TMEM150C: variants seen among roughly 807,000 people sequenced by gnomAD.
TMEM150C encodes tentonin 3.
In TMEM150C, 10 loss-of-function variants were observed where a neutral mutation model predicts 29.9. The observed-to-expected ratio is 0.33, with a 90% CI of 0.21 to 0.57. The LOEUF (loss-of-function observed/expected upper bound fraction) is 0.57. TMEM150C is among the 20% of genes least tolerant of loss of function. The pLI is 0.88. For synonymous variants in TMEM150C, 101 were observed against 112.5 expected (o/e 0.90, Z 0.64); for missense variants, 251 against 303.6 (o/e 0.83, Z 1.29).
chr4:82,537,250 G>T (rs1725042783), intron 1 of TMEM150C, among the ~76,000 whole-genome samples: 2 of 152,164 alleles, frequency 1.3e-5, no homozygotes, highest in South Asian at 4.1e-4. Flanking sequence ...CTCCCAAAGT[G>T]CTGGGATTAC....
intron 5 of TMEM150C, among the ~76,000 whole-genome samples, chr4:82,497,488 C>T (rs1411883107): frequency 6.6e-6 from 1 of 152,048 alleles, no homozygotes; most frequent in Non-Finnish European, 1.5e-5. Flanking sequence ...CATAGTGTAA[C>T]CCTATGGCTT....
intron 1 of TMEM150C, among the ~76,000 whole-genome samples, chr4:82,555,472 C>T (rs964383088): frequency 3.9e-5 from 6 of 152,130 alleles, no homozygotes; most frequent in African/African-American, 1.4e-4. Context: ...TTTTCAAGGG[C>T]GTTAACCTTC....
chr4:82,494,825 A>G, intron 6 of TMEM150C: 1 of 210,714 alleles, frequency 4.7e-6, no homozygotes, highest in Admixed American at 5.6e-5. Flanking sequence ...CTTATTTGTT[A>G]CTCAAAAAAT....
intron 5 of TMEM150C, among the ~76,000 whole-genome samples, chr4:82,502,284 C>G (rs1390083353): frequency 1.3e-5 from 2 of 152,186 alleles, no homozygotes; most frequent in Non-Finnish European, 2.9e-5. Flanking sequence ...AATCCTAATG[C>G]TGATGTTGAC....
chr4:82,561,718 C>G (rs1380986880), intron 1 of TMEM150C, among the ~76,000 whole-genome samples, 188 bp downstream of exon 1: 1 of 147,042 alleles, frequency 6.8e-6, no homozygotes, highest in Non-Finnish European at 1.5e-5. Context: ...CGGGCGGCCC[C>G]GCGCCCGGGA....
intron 1 of TMEM150C, among the ~76,000 whole-genome samples, chr4:82,518,315 CAA>C (rs146862487): frequency 1.5e-5 from 2 of 137,584 alleles, no homozygotes; most frequent in African/African-American, 2.7e-5. Context: ...GACCCCATCT[CAA>C]AAAAAAAAAA....
intron 1 of TMEM150C, among the ~76,000 whole-genome samples, chr4:82,540,602 T>C (rs1157588206): frequency 6.6e-6 from 1 of 152,178 alleles, no homozygotes; most frequent in African/African-American, 2.4e-5. Flanking sequence ...AGCTCTGTGG[T>C]TATTTAAAAG....
intron 1 of TMEM150C, among the ~76,000 whole-genome samples, chr4:82,559,492 T>C (rs1578163173): frequency 6.6e-6 from 1 of 151,782 alleles, no homozygotes. Flanking sequence ...GAGGCGGAGG[T>C]TGCAGTGAGC....
At chr4:82,536,249 T>C (rs1255273272) in intron 1 of TMEM150C, among the ~76,000 whole-genome samples, 2 of 150,080 alleles carry the variant, frequency 1.3e-5, no homozygotes, top group Admixed American at 6.8e-5. Flanking sequence ...TCCCAGCTAC[T>C]CAGCAGGCTG....
intron 1 of TMEM150C, among the ~76,000 whole-genome samples, chr4:82,545,086 G>A (rs1332966423): frequency 6.6e-6 from 1 of 152,040 alleles, no homozygotes; most frequent in Admixed American, 6.6e-5. Context: ...TGGTAAAGAT[G>A]TAACAAAAAA....
In TMEM150C at chr4:82,485,662, A is replaced by T; in HGVS notation, c.599T>A (p.Leu200Gln). 1 of 1,609,926 alleles carries T rather than the reference A, an allele frequency of 6.2e-7. No homozygotes were observed. The highest frequency in any genetic ancestry group is 1.1e-5 in the South Asian group (1 of 89,930). The change falls in exon 8 of 8, where the codon CTG (leucine) becomes CAG (glutamine). Residue 200 changes from leucine to glutamine, a missense_variant. Physicochemically the swap from Leu to Gln is moderately radical, Grantham distance 113. Coordinates refer to ENST00000449862, the MANE Select transcript of TMEM150C (RefSeq NM_001080506.3). ...AAAATAAGACAGGAAGCACATGACC[A>T]GGCCCCACTGGACCCTGGCTGCATA... ...HMYAARVQWG[L>Q]VMCFLSYFGT...
intron 1 of TMEM150C, among the ~76,000 whole-genome samples, chr4:82,539,465 T>A (rs1380000464): frequency 2.0e-5 from 3 of 152,090 alleles, no homozygotes; most frequent in Middle Eastern, 6.3e-3. Context: ...ACAACTTTTT[T>A]TTTTTGAGAC....
chr4:82,556,573 G>C (rs1725744324), intron 1 of TMEM150C, among the ~76,000 whole-genome samples: 1 of 152,178 alleles, frequency 6.6e-6, no homozygotes, highest in South Asian at 2.1e-4. Flanking sequence ...CAGCTACTTG[G>C]GGGGCTGAGG....
At chr4:82,545,537 T>C (rs775106235) in intron 1 of TMEM150C, among the ~76,000 whole-genome samples, 4 of 152,180 alleles carry the variant, frequency 2.6e-5, no homozygotes, top group South Asian at 2.1e-4. Flanking sequence ...CTGGAAATCC[T>C]TGCCACAGTA....
intron 1 of TMEM150C, among the ~76,000 whole-genome samples, chr4:82,557,538 G>T (rs565851858): frequency 2.0e-5 from 3 of 152,210 alleles, no homozygotes; most frequent in African/African-American, 7.2e-5. Flanking sequence ...TCTGTAATGT[G>T]CAAAAGAGCA....
chr4:82,557,377 C>T (rs1456685691), intron 1 of TMEM150C, among the ~76,000 whole-genome samples: 2 of 152,108 alleles, frequency 1.3e-5, no homozygotes, highest in African/African-American at 2.4e-5. Context: ...GCCAGGGGTA[C>T]CCATTTGTCA....
intron 5 of TMEM150C, among the ~76,000 whole-genome samples, chr4:82,497,465 G>A (rs570889223): frequency 6.6e-6 from 1 of 152,230 alleles, no homozygotes; most frequent in Non-Finnish European, 1.5e-5. Context: ...CATTTCTCGA[G>A]TATGTTAAAT....
intron 5 of TMEM150C, among the ~76,000 whole-genome samples, chr4:82,500,987 C>T (rs1723719631): frequency 6.6e-6 from 1 of 152,204 alleles, no homozygotes. Context: ...GTGGGAAGAG[C>T]ATACGAATAG....
chr4:82,510,595 G>A (rs1017266931), intron 1 of TMEM150C, among the ~76,000 whole-genome samples: 1 of 152,202 alleles, frequency 6.6e-6, no homozygotes, highest in Admixed American at 6.5e-5. Flanking sequence ...ACTGAGGATT[G>A]AAAATATGTT....
Sources: allele counts gnomAD v4.1 joint callset (sites outside exome capture counted in the v4.1 genomes callset), GRCh38; gene constraint gnomAD v4.1.1; transcripts MANE v1.5; gene names NCBI Gene and HGNC (gene_info 2026-07-23, HGNC 2026-07-21).